RECQL: variants seen among roughly 807,000 people sequenced by gnomAD.
RECQL encodes the protein ATP-dependent DNA helicase Q1.
Under a neutral mutation model 75.8 loss-of-function variants are expected in RECQL, and 73 were observed. The observed-to-expected ratio is 0.96, with a 90% CI of 0.80 to 1.17. The LOEUF (loss-of-function observed/expected upper bound fraction) is 1.17, where lower values mean the gene tolerates loss of function less well. RECQL is among the 50% of genes most tolerant of loss of function. RECQL has a pLI of 0.00. For synonymous variants in RECQL, 248 were observed against 254.4 expected, an observed-to-expected ratio of 0.97 and a Z score of 0.24; for missense variants, 699 against 772.1, an observed-to-expected ratio of 0.91 and a Z score of 1.12.
Position 21,486,520 on chromosome 12 carries a change from A to C in RECQL, c.460T>G (p.Leu154Val). The C allele has an allele frequency of 1.9e-6, 3 of 1,605,698 alleles. No homozygotes were observed. Among genetic ancestry groups the C allele is most frequent in the Non-Finnish European group, 2.5e-6 (3 of 1,177,646 alleles). ...TTTAACATGGTTGCTGAAATTCCTAATTGTTTTAAAACCATTAATTGGTCT... is the reference window on the plus strand; with the variant it reads ...TTTAACATGGTTGCTGAAATTCCTACTTGTTTTAAAACCATTAATTGGTCT... ...MEDQLMVLKQ[L>V]GISATMLNAS... The change falls in exon 5 of 15, where the codon TTA becomes GTA. Residue 154 changes from leucine to valine, a missense_variant. This residue lies in a region of RECQL where 669 missense variants were observed against 713.5 expected (regional missense o/e 0.94). Coordinates refer to ENST00000444129, the MANE Select transcript of RECQL (RefSeq NM_002907.4).
rs952159094 is a variant in RECQL at position 21,501,519 on chromosome 12, G to C, written c.-395C>G. ...ACTGTCCGGTGTCCGACTGTCCTGT[G>C]TCCGACTCTCCGATCTCCGACTCTC... On this transcript the variant is annotated 5_prime_UTR_variant, in exon 1 of 15. Coordinates refer to ENST00000444129, the MANE Select transcript of RECQL (RefSeq NM_002907.4). 1 of 222,112 alleles carries C rather than the reference G, an allele frequency of 4.5e-6. No individual in the cohort carries two copies. The highest frequency in any genetic ancestry group is 9.2e-6 in the Non-Finnish European group (1 of 108,926). 13.8% of individuals were successfully genotyped at this position (222,112 alleles called of 1,614,324 possible).
At chr12:21,480,895 T>C (rs1470481085) in intron 6 of RECQL, among the ~76,000 whole-genome samples, 2 of 152,246 alleles carry the variant, frequency 1.3e-5, no homozygotes, top group African/African-American at 2.4e-5. Context: ...TTCCAATCTT[T>C]TCTTCCTGTT....
chr12:21,475,120 G>A (rs1943057577), intron 10 of RECQL, 141 bp from the exon 11 acceptor site: 6 of 769,446 alleles, frequency 7.8e-6, no homozygotes, highest in Non-Finnish European at 1.2e-5. Flanking sequence ...TTTGTAATGG[G>A]TACCCTCAAA....
intron 6 of RECQL, among the ~76,000 whole-genome samples, chr12:21,480,201 A>G (rs553436664): frequency 6.0e-4 from 91 of 152,320 alleles, no homozygotes; most frequent in African/African-American, 1.8e-3. Flanking sequence ...TATGGGCCCC[A>G]GTTAAGAACG....
In RECQL at chr12:21,471,433, A is replaced by G; in HGVS notation, c.1662T>C (p.Tyr554=). The G allele has an allele frequency of 6.2e-7, 1 of 1,611,340 alleles. No individual in the cohort carries two copies. Among genetic ancestry groups the G allele is most frequent in the Non-Finnish European group, 8.5e-7 (1 of 1,178,168 alleles). The change falls in exon 13 of 15, where the codon TAT becomes TAC. Residue 554 remains tyrosine (Y), a synonymous_variant. Transcript: ENST00000444129. ...ATGAATGAGTTTGTACATACTTAAG[A>G]TACTGCTGTATTAGAAAGTGTGCAA... ...KIIAHFLIQQ[Y]LKEDYSFTAY... is the part of the protein sequence containing the mutation.
intron 6 of RECQL, among the ~76,000 whole-genome samples, chr12:21,481,581 T>C (rs1943192911): frequency 6.6e-6 from 1 of 152,074 alleles, no homozygotes; most frequent in Non-Finnish European, 1.5e-5. Flanking sequence ...GGGCCCTTAA[T>C]AGAAAGGCGT....
At chr12:21,491,738 C>A (rs763014369) in intron 2 of RECQL, 22 bp from the exon 3 acceptor site, 2 of 1,584,756 alleles carry the variant, frequency 1.3e-6, no homozygotes, top group South Asian at 2.3e-5. Context: ...AGCGCGGATA[C>A]AATGATTAGA....
chr12:21,491,573 C>T lies in RECQL; in HGVS notation c.160G>A (p.Asp54Asn), dbSNP rs751876256. Residue 54 changes from aspartate (D) to asparagine (N), a missense_variant, in exon 3 of 15, where the codon GAT (aspartate) becomes AAT (asparagine). By Grantham distance (23) the Asp-to-Asn change is conservative. This residue lies in a region of RECQL where 669 missense variants were observed against 713.5 expected (regional missense o/e 0.94). Coordinates refer to ENST00000444129, the MANE Select transcript of RECQL (RefSeq NM_002907.4). The stretch of plus-strand genomic sequence containing the variant: ...TCATATTCATTGCTTGCCCCGGCAT[C>T]AGAATCCTCTAAACACTGCTTTATT... ...KKIKQCLEDS[D>N]AGASNEYDSS... is the part of the protein sequence containing the mutation. 68 of 1,611,780 alleles carry T rather than the reference C, an allele frequency of 4.2e-5. No homozygotes were observed. The highest frequency in any genetic ancestry group is 5.8e-5 in the Non-Finnish European group (68 of 1,179,646).
Position 21,470,986 on chromosome 12 carries a change from T to C in RECQL, c.1780A>G (p.Thr594Ala). ...HAITMQVTKS[T>A]QNSFRAESSQ... ...CCATTTACCCTGAAAGAGTTCTGCG[T>C]GGACTTTGTCACTTGCATAGTAATA... Residue 594 changes from threonine (T) to alanine (A), a missense_variant, in exon 14 of 15, where the codon ACG becomes GCG. Physicochemically the swap from Thr to Ala is moderately conservative, Grantham distance 58. Around this residue, in one of 2 missense-constraint regions of RECQL, gnomAD observed 669 missense variants for 713.5 expected, o/e 0.94. Coordinates refer to ENST00000444129, the MANE Select transcript of RECQL (RefSeq NM_002907.4). The C allele has an allele frequency of 6.4e-7, 1 of 1,556,162 alleles. No homozygotes were observed. The highest frequency in any genetic ancestry group is 8.6e-7 in the Non-Finnish European group (1 of 1,157,776).
Position 21,491,712 on chromosome 12 carries a change from T to TA in RECQL, c.20dup (p.Thr8AsnfsTer2). 1 of 1,610,236 alleles carries TA rather than the reference T, an allele frequency of 6.2e-7. No individual in the cohort carries two copies. On this transcript the variant is annotated frameshift_variant, in exon 3 of 15. Transcript: ENST00000444129. LOFTEE classifies it high-confidence loss of function. Reference sequence around the variant, plus strand: ...TGGTTATAGAATCCAGTTCCTCAGTTAGAGCTATGGGAGGCAGCGCGGATA... The same window carrying TA: ...TGGTTATAGAATCCAGTTCCTCAGTTAAGAGCTATGGGAGGCAGCGCGGATA...
rs1555146316 is a variant in RECQL, at chr12:21,486,687, T to TA, written c.395-103dup. On this transcript the variant is annotated intron_variant, in intron 4 of 14. Transcript: ENST00000444129. ...TTTTTTTTTTTTTTTTTTTTTTTTT[T>TA]AGAGATGGAGTCTCACTCTCTTGCC... 29 of 737,680 alleles carry TA rather than the reference T, an allele frequency of 3.9e-5. 1 individual carries two copies. Among genetic ancestry groups the TA allele is most frequent in the Admixed American group, 7.6e-5 (2 of 26,458 alleles). 45.7% of individuals were successfully genotyped at this position (737,680 alleles called of 1,614,324 possible).
chr12:21,483,432 C>A lies in RECQL; in HGVS notation c.644G>T (p.Arg215Leu), dbSNP rs561515655. The A allele has an allele frequency of 1.1e-4, 170 of 1,606,202 alleles. 3 individuals carry two copies. The South Asian group carries it at 1.7e-3, about 16-fold the overall frequency. The change falls in exon 6 of 15, where the codon CGA (arginine) becomes CTA (leucine). Residue 215 changes from arginine to leucine, a missense_variant. By Grantham distance (102) the Arg-to-Leu change is moderately radical (BLOSUM62 -2). Coordinates refer to ENST00000444129, the MANE Select transcript of RECQL (RefSeq NM_002907.4). ...GCAGTGAACTTCATCCACAGCAATT[C>A]GAGTAAATCTCCTTGCTTCATAGGC... ...EKAYEARRFT[R>L]IAVDEVHCCS...
chr12:21,491,420 T>A (rs1943409423), intron 3 of RECQL, 99 bp downstream of exon 3: 1 of 1,205,106 alleles, frequency 8.3e-7, no homozygotes, highest in South Asian at 1.6e-5. Context: ...GTTTCACCTC[T>A]AAGCCTACTG....
intron 8 of RECQL, among the ~76,000 whole-genome samples, chr12:21,476,361 C>T (rs557787671): frequency 6.6e-6 from 1 of 152,174 alleles, no homozygotes; most frequent in African/African-American, 2.4e-5. Context: ...TTACCCAGGA[C>T]TACCTCCTGA....
chr12:21,492,790 C>T (rs1943438495), intron 2 of RECQL, among the ~76,000 whole-genome samples: 1 of 152,174 alleles, frequency 6.6e-6, no homozygotes, highest in Non-Finnish European at 1.5e-5. Flanking sequence ...ACAACTTGGC[C>T]CACAGATTCT....
chr12:21,489,531 T>C (rs1426908332), intron 4 of RECQL, among the ~76,000 whole-genome samples: 2 of 152,320 alleles, frequency 1.3e-5, no homozygotes, highest in East Asian at 3.9e-4. Context: ...CACTATGAGT[T>C]CTGTGAAAAC....
chr12:21,493,616 G>A (rs1289872573), intron 2 of RECQL, among the ~76,000 whole-genome samples: 1 of 152,176 alleles, frequency 6.6e-6, no homozygotes, highest in African/African-American at 2.4e-5. Flanking sequence ...ACACTGACTG[G>A]GAAGGAGACT....
intron 14 of RECQL, chr12:21,470,556 C>A (rs1256564178): frequency 1.8e-5 from 12 of 661,914 alleles, no homozygotes; most frequent in Admixed American, 7.7e-5. Context: ...GTTCTAAAGA[C>A]CTCAAATGTC....
chr12:21,490,555 A>G (rs763254584), intron 3 of RECQL, among the ~76,000 whole-genome samples, 177 bp from the exon 4 acceptor site: 76 of 152,236 alleles, frequency 5.0e-4, no homozygotes, highest in Non-Finnish European at 9.7e-4. Flanking sequence ...ATGATGTATT[A>G]TAAGACATAG....
Sources: gnomAD v4.1 joint callset for allele counts (sites outside exome capture counted in the v4.1 genomes callset) on GRCh38, gnomAD v4.1.1 for gene constraint, gnomAD v4.1.1 regional missense constraint, MANE v1.5 for transcripts, NCBI Gene and HGNC (gene_info 2026-07-23, HGNC 2026-07-21) for gene names.